PPP2R1A: variants seen among roughly 807,000 people sequenced by gnomAD.
The protein encoded by PPP2R1A is serine/threonine-protein phosphatase 2A 65 kDa regulatory subunit A alpha isoform.
In PPP2R1A, 15 loss-of-function variants were observed where a neutral mutation model predicts 67.1. That is an observed-to-expected ratio of 0.22 (90% CI 0.15 to 0.34). The LOEUF (loss-of-function observed/expected upper bound fraction) is 0.34. Among genes scored for constraint, PPP2R1A ranks in the 10% least tolerant of loss-of-function variants. The pLI is 1.00. For missense variants in PPP2R1A, 369 were observed against 775.0 expected, an observed-to-expected ratio of 0.48 and a Z score of 6.22; for synonymous variants, 337 against 325.0, an observed-to-expected ratio of 1.04 and a Z score of -0.40.
rs1177964001 is a variant in PPP2R1A, at chr19:52,219,993, G to T, written c.1302+129G>T. ...GTGACAACTGCCTGGGGAGTCGAAG[G>T]AAGGGACCCAGGAAATAGGGCCTTA... is the stretch of plus-strand genomic sequence containing the variant. On this transcript the variant is annotated intron_variant, in intron 10 of 14. Transcript: ENST00000322088. The surrounding 1 kb of genome is among the most constrained non-coding windows in gnomAD (Gnocchi z 4.0). The T allele has an allele frequency of 3.8e-6, 5 of 1,309,058 alleles. No individual in the cohort carries two copies. Among genetic ancestry groups the T allele is most frequent in the Non-Finnish European group, 5.2e-6 (5 of 962,796 alleles). The allele number at this position is 1,309,058 out of a possible 1,614,324, so 81.1% of individuals were successfully genotyped here.
Position 52,216,416 on chromosome 19 carries a change from A to G in PPP2R1A, c.994-113A>G, listed in dbSNP as rs948615701. The G allele has an allele frequency of 9.5e-6, 13 of 1,374,326 alleles. No homozygotes were observed. The South Asian group carries it at 1.3e-4, about 14-fold the overall frequency. The allele number at this position is 1,374,326 out of a possible 1,614,324, so 85.1% of individuals were successfully genotyped here. A position where few individuals can be genotyped will look rare whatever the true frequency, so the allele number is the denominator to read the frequency against. On this transcript the variant is annotated intron_variant, in intron 8 of 14. Coordinates refer to ENST00000322088, the MANE Select transcript of PPP2R1A (RefSeq NM_014225.6). The surrounding 1 kb of genome is among the most constrained non-coding windows in gnomAD (Gnocchi z 4.3). ...TGTACCCTAAGCCATCCCCTGCTCT[A>G]TGAATGAGAGGGGCAGAAGCAGGTT...
rs1298427036 is a variant in PPP2R1A, at chr19:52,219,944, G to A, written c.1302+80G>A. On this transcript the variant is annotated intron_variant, in intron 10 of 14. Transcript: ENST00000322088. This position sits in a 1 kb window ranked among gnomAD's most constrained non-coding sequence, Gnocchi z 4.0. ...GTCCAGGGCTGTGATGGGGAAACGGGGCTTTGAAGGCTTAGTGGAGGCTGT... is the reference window on the plus strand; with the variant it reads ...GTCCAGGGCTGTGATGGGGAAACGGAGCTTTGAAGGCTTAGTGGAGGCTGT... 3 of 1,480,282 alleles carry A rather than the reference G, an allele frequency of 2.0e-6. No individual in the cohort carries two copies. Among genetic ancestry groups the A allele is most frequent in the African/African-American group, 1.4e-5 (1 of 71,892 alleles). The allele number at this position is 1,480,282 out of a possible 1,614,324, so 91.7% of individuals were successfully genotyped here.
chr19:52,219,841 A>C lies in PPP2R1A; in HGVS notation c.1279A>C (p.Met427Leu). 1.2e-6 allele frequency: 2 copies of C among 1,612,118 alleles called. No homozygotes were observed. The highest frequency in any genetic ancestry group is 1.1e-5 in the South Asian group (1 of 90,998). Residue 427 changes from methionine (M) to leucine (L), a missense_variant, in exon 10 of 15, where the codon ATG becomes CTG. Around this residue, in one of 2 missense-constraint regions of PPP2R1A, gnomAD observed 276 missense variants for 508.4 expected, o/e 0.54. Coordinates refer to ENST00000322088, the MANE Select transcript of PPP2R1A (RefSeq NM_014225.6). This position sits in a 1 kb window ranked among gnomAD's most constrained non-coding sequence, Gnocchi z 4.0. ...GGTGCGGCTGGCCATCATTGAGTAC[A>C]TGCCCCTCCTGGCTGGACAGCTGGT... ...WRVRLAIIEY[M>L]PLLAGQLGVE...
At chr19:52,220,297 G>A in intron 11 of PPP2R1A, 48 bp downstream of exon 11, 1 of 1,591,320 alleles carries the variant, frequency 6.3e-7, no homozygotes, top group Middle Eastern at 1.7e-4. Flanking sequence ...GCTCCAGAAA[G>A]GCAGGATGGA....
intron 1 of PPP2R1A, chr19:52,201,714 G>T: frequency 1.9e-6 from 1 of 528,920 alleles, no homozygotes; most frequent in Non-Finnish European, 3.4e-6. Flanking sequence ...ACCTTCATAA[G>T]ACCCAAGGGA....
intron 1 of PPP2R1A, 54 bp from the exon 2 acceptor site, chr19:52,201,890 A>C: frequency 6.5e-7 from 1 of 1,532,888 alleles, no homozygotes; most frequent in Non-Finnish European, 9.0e-7. Flanking sequence ...GTCAGAACTC[A>C]CGCGTGTCTG....
intron 6 of PPP2R1A, among the ~76,000 whole-genome samples, chr19:52,214,907 G>C (rs1232439926): frequency 1.3e-5 from 2 of 152,014 alleles, no homozygotes; most frequent in African/African-American, 2.4e-5. Flanking sequence ...TGTATTTTTA[G>C]TAGAGATGGG....
chr19:52,203,600 A>G (rs1057083432), intron 2 of PPP2R1A, among the ~76,000 whole-genome samples: 11 of 152,076 alleles, frequency 7.2e-5, no homozygotes, highest in African/African-American at 1.7e-4. Context: ...CACCACAGCA[A>G]TCATAACACA....
rs2122336793 is a variant in PPP2R1A, at chr19:52,212,901, C to T, written c.652-54C>T. ...TGGTTCCTGCCCATGAAAGAGAATC[C>T]CAGAGCTCAGCAAGGCCTCTGCTGC... On this transcript the variant is annotated intron_variant, in intron 5 of 14. Transcript: ENST00000322088. This position sits in a 1 kb window ranked among gnomAD's most constrained non-coding sequence, Gnocchi z 4.1. 2 of 1,567,080 alleles carry T rather than the reference C, an allele frequency of 1.3e-6. No individual in the cohort carries two copies. Among genetic ancestry groups the T allele is most frequent in the Non-Finnish European group, 1.7e-6 (2 of 1,155,098 alleles).
chr19:52,218,805 A>G (rs1309696852), intron 9 of PPP2R1A, among the ~76,000 whole-genome samples: 2 of 152,056 alleles, frequency 1.3e-5, no homozygotes, highest in Non-Finnish European at 2.9e-5. Context: ...GTGCGCTAGG[A>G]CTGGAGCATT....
rs1177646177 is a variant in PPP2R1A, at chr19:52,226,330, T to A, written c.*349T>A. ...TCTCCACCTCCCGTCCTCCCCATCA[T>A]TGGTTTTTTTTTGTGTGTCAACTGT... On this transcript the variant is annotated 3_prime_UTR_variant, in exon 15 of 15. Transcript: ENST00000322088. The A allele has an allele frequency of 2.5e-6, 1 of 398,574 alleles. No homozygotes were observed. Among genetic ancestry groups the A allele is most frequent in the African/African-American group, 2.0e-5 (1 of 49,148 alleles). The allele number at this position is 398,574 out of a possible 1,614,324, so 24.7% of individuals were successfully genotyped here.
Position 52,222,095 on chromosome 19 carries a change from C to G in PPP2R1A, c.1519-4C>G, listed in dbSNP as rs368570694. ...ACTCACCCCTGCCACTCACTGGCCC[C>G]CAGGTGCTGTCTGAGGTCTGTGGGC... On this transcript the variant is annotated splice_polypyrimidine_tract_variant and splice_region_variant and intron_variant, in intron 12 of 14. Transcript: ENST00000322088. The G allele has an allele frequency of 6.2e-7, 1 of 1,607,618 alleles. No individual in the cohort carries two copies. The highest frequency in any genetic ancestry group is 1.3e-5 in the African/African-American group (1 of 74,844).
chr19:52,223,725 A>G (rs1386355839), intron 13 of PPP2R1A, among the ~76,000 whole-genome samples: 3 of 152,222 alleles, frequency 2.0e-5, no homozygotes, highest in Non-Finnish European at 4.4e-5. Flanking sequence ...AATGGTGAAG[A>G]CATAGAAGAG....
intron 1 of PPP2R1A, among the ~76,000 whole-genome samples, chr19:52,190,882 G>T (rs1600154566): frequency 6.6e-6 from 1 of 152,246 alleles, no homozygotes; most frequent in South Asian, 2.1e-4. Context: ...TTTTGAGACA[G>T]TCTCTGTGTC....
chr19:52,193,229 C>G (rs79218684), intron 1 of PPP2R1A, among the ~76,000 whole-genome samples: 1 of 152,164 alleles, frequency 6.6e-6, no homozygotes, highest in Non-Finnish European at 1.5e-5. Context: ...GAAGTAGGAC[C>G]TAAGGGTGGA....
rs1278536673 is a variant in PPP2R1A at position 52,219,125 on chromosome 19, G to T, written c.1129-566G>T. ...CCTTCTCTTCTCATGCACATGTTCA[G>T]CAGCTTGAGGCTCACACAGCAAGGG... On this transcript the variant is annotated intron_variant, in intron 9 of 14. Coordinates refer to ENST00000322088, the MANE Select transcript of PPP2R1A (RefSeq NM_014225.6). This position sits in a 1 kb window ranked among gnomAD's most constrained non-coding sequence, Gnocchi z 4.0. Among the ~76,000 whole-genome samples, 1 of 152,208 alleles carries T rather than the reference G, an allele frequency of 6.6e-6. No homozygotes were observed. The highest frequency in any genetic ancestry group is 2.4e-5 in the African/African-American group (1 of 41,466).
intron 1 of PPP2R1A, among the ~76,000 whole-genome samples, chr19:52,196,656 A>G (rs1371762405): frequency 6.6e-6 from 1 of 152,208 alleles, no homozygotes; most frequent in African/African-American, 2.4e-5. Context: ...TCTAAATAAC[A>G]GGGGCTTAAA....
chr19:52,203,629 C>A lies in PPP2R1A; in HGVS notation c.169+1595C>A, dbSNP rs142580805. The stretch of plus-strand genomic sequence containing the variant: ...TAACACAGAACATGACTTCTGTGAC[C>A]ATATGTCTGGGTTTTTTTCCCCAAA... On this transcript the variant is annotated intron_variant, in intron 2 of 14. Coordinates refer to ENST00000322088, the MANE Select transcript of PPP2R1A (RefSeq NM_014225.6). Among the ~76,000 whole-genome samples, 22 of 152,270 alleles carry A rather than the reference C, an allele frequency of 1.4e-4. No homozygotes were observed. The East Asian group carries it at 4.2e-3, about 29-fold the overall frequency.
Position 52,211,813 on chromosome 19 carries a change from C to G in PPP2R1A, c.503+321C>G, listed in dbSNP as rs868643514. The G allele has an allele frequency of 2.8e-6, 1 of 361,390 alleles. No homozygotes were observed. Among genetic ancestry groups the G allele is most frequent in the African/African-American group, 2.1e-5 (1 of 47,644 alleles). The allele number at this position is 361,390 out of a possible 1,614,324, so 22.4% of individuals were successfully genotyped here. A position where few individuals can be genotyped will look rare whatever the true frequency, so the allele number is the denominator to read the frequency against. On this transcript the variant is annotated intron_variant, in intron 4 of 14. Coordinates refer to ENST00000322088, the MANE Select transcript of PPP2R1A (RefSeq NM_014225.6). The surrounding 1 kb of genome is among the most constrained non-coding windows in gnomAD (Gnocchi z 5.3). The stretch of plus-strand genomic sequence containing the variant: ...GCAAAATCTGGAACATAAAAACTTT[C>G]AGCAACTTACATCTGATGGTATCTC...
Sources: allele counts gnomAD v4.1 joint callset (sites outside exome capture counted in the v4.1 genomes callset), GRCh38; gene constraint gnomAD v4.1.1; regional missense constraint gnomAD v4.1.1; non-coding constraint Gnocchi (gnomAD v3.1); transcripts MANE v1.5; gene names NCBI Gene and HGNC (gene_info 2026-07-23, HGNC 2026-07-21).